OR13A1: variants seen among roughly 807,000 people sequenced by gnomAD.
The protein encoded by OR13A1 is olfactory receptor family 13 subfamily A member 1.
In OR13A1, 10 loss-of-function variants were observed where a neutral mutation model predicts 7.5. The observed-to-expected ratio is 1.34, with a 90% CI of 0.83 to 2.27. The LOEUF (loss-of-function observed/expected upper bound fraction) is 2.27, where lower values mean the gene tolerates loss of function less well. Among genes scored for constraint, OR13A1 ranks in the 30% most tolerant of loss-of-function variants. The probability of loss-of-function intolerance (pLI) is 0.00; values close to 1 mark genes in which losing one functional copy is unlikely to be tolerated. For missense variants in OR13A1, 509 were observed against 419.1 expected (o/e 1.21, Z -1.87); for synonymous variants, 238 against 177.9 (o/e 1.34, Z -2.69).
chr10:45,309,756 G>C (rs1310809815), intron 1 of OR13A1, among the ~76,000 whole-genome samples: 1 of 152,144 alleles, frequency 6.6e-6, no homozygotes, highest in Admixed American at 6.5e-5. Flanking sequence ...AGCAAGCAGA[G>C]AGCTGACTAA....
At chr10:45,304,620 C>T (rs546019297) in intron 3 of OR13A1, 186 bp from the exon 4 acceptor site, 18 of 570,870 alleles carry the variant, frequency 3.2e-5, no homozygotes, top group Non-Finnish European at 5.2e-5. Flanking sequence ...GCCAGTTAAA[C>T]TCATGAAGCA....
chr10:45,303,467 A>T lies in OR13A1; in HGVS notation c.956T>A (p.Leu319His), dbSNP rs1838248263. The change falls in exon 4 of 4, where the codon CTC becomes CAC. Residue 319 changes from leucine (L) to histidine (H), a missense_variant. Leu to His is a moderately conservative substitution (Grantham distance 99, BLOSUM62 -3). Transcript: ENST00000553795. ...TCTGAAGAAAGGGAAAAGCTTCCTG[A>T]GGGCTGCTTTGACCTCCTTGTTTCT... ...TLRNKEVKAA[L>H]RKLFPFFRN The T allele has an allele frequency of 6.2e-7, 1 of 1,600,094 alleles. No homozygotes were observed. Among genetic ancestry groups the T allele is most frequent in the Non-Finnish European group, 8.5e-7 (1 of 1,172,132 alleles).
intron 1 of OR13A1, among the ~76,000 whole-genome samples, chr10:45,308,199 A>G (rs934928158): frequency 3.9e-5 from 6 of 152,378 alleles, no homozygotes; most frequent in African/African-American, 1.2e-4. Flanking sequence ...CCAGAATCGC[A>G]TATGTTCAGG....
rs888075532 is a variant in OR13A1, at chr10:45,313,503, G to A, written c.-225+2021C>T. Among the ~76,000 whole-genome samples, 6 of 152,114 alleles carry A rather than the reference G, an allele frequency of 3.9e-5. No individual in the cohort carries two copies. In the East Asian group the frequency reaches 1.2e-3, roughly 29 times the overall value. ...AAGATATAGACTGGAAAATGGATTT[G>A]TAAAAAGGATCCAACTTTATCCTGT... On this transcript the variant is annotated intron_variant, in intron 1 of 3. Coordinates refer to ENST00000553795, the MANE Select transcript of OR13A1 (RefSeq NM_001004297.3).
At chr10:45,314,802 T>A (rs2133050002) in intron 1 of OR13A1, among the ~76,000 whole-genome samples, 1 of 152,240 alleles carries the variant, frequency 6.6e-6, no homozygotes, top group South Asian at 2.1e-4. Flanking sequence ...GTCAACAAAT[T>A]GGATAATTTA....
rs367646648 is a variant in OR13A1, at chr10:45,303,985, G to A, written c.438C>T (p.His146=). ...TCATCATGCTGCTGTAATGCAGCGG[G>A]TGGCAGATGGCTGCGTACCGGTCAT... ...MAYDRYAAIC[H]PLHYSSMMSK... The change falls in exon 4 of 4, where the codon CAC becomes CAT. Residue 146 remains histidine, a synonymous_variant. Transcript: ENST00000553795. 1 of 1,612,692 alleles carries A rather than the reference G, an allele frequency of 6.2e-7. No homozygotes were observed. Among genetic ancestry groups the A allele is most frequent in the African/African-American group, 1.3e-5 (1 of 74,918 alleles).
At chr10:45,310,650 C>T (rs1838427365) in intron 1 of OR13A1, among the ~76,000 whole-genome samples, 1 of 151,590 alleles carries the variant, frequency 6.6e-6, no homozygotes, top group Non-Finnish European at 1.5e-5. Flanking sequence ...CTAATAATTG[C>T]CACAAATATG....
In OR13A1 at chr10:45,304,329, G is replaced by A. The variant is rs568763774; in HGVS notation, c.94C>T (p.Leu32=). The A allele has an allele frequency of 7.4e-6, 12 of 1,614,168 alleles. No individual in the cohort carries two copies. The highest frequency in any genetic ancestry group is 5.5e-5 in the South Asian group (5 of 91,082). ...SNQTLVTEFI[L]QGFSEHPEYR... is the part of the protein sequence containing the mutation. ...TCTGGGTGCTCCGAAAAGCCCTGCA[G>A]GATGAACTCGGTTACCAACGTCTGG... The change falls in exon 4 of 4, where the codon CTG becomes TTG. Residue 32 remains leucine (L), a synonymous_variant. Coordinates refer to ENST00000553795, the MANE Select transcript of OR13A1 (RefSeq NM_001004297.3).
intron 3 of OR13A1, among the ~76,000 whole-genome samples, chr10:45,304,865 T>G (rs758963393): frequency 6.6e-6 from 1 of 152,236 alleles, no homozygotes; most frequent in Non-Finnish European, 1.5e-5. Flanking sequence ...ATAGTGGAAA[T>G]TTAAAACAAT....
Position 45,303,940 on chromosome 10 carries a change from C to T in OR13A1, c.483G>A (p.Gly161=). 6.2e-7 allele frequency: 1 copy of T among 1,613,544 alleles called. No homozygotes were observed. ...SSMMSKVFCS[G]LATAVWLLCA... ...AGAGCAGCCACACGGCTGTGGCCAG[C>T]CCGCTGCAGAACACCTTGCTCATCA... The change falls in exon 4 of 4, where the codon GGG becomes GGA. Residue 161 remains glycine, a synonymous_variant. Coordinates refer to ENST00000553795, the MANE Select transcript of OR13A1 (RefSeq NM_001004297.3).
Position 45,304,300 on chromosome 10 carries a change from G to T in OR13A1, c.123C>A (p.Tyr41Ter). Residue 41 changes from tyrosine (Y) to a stop codon, truncating the protein, a stop_gained, in exon 4 of 4, where the codon TAC becomes TAA. Transcript: ENST00000553795. LOFTEE classifies it high-confidence loss of function. Reference sequence around the variant, plus strand: ...GGAAACAGCTGAATAAGAACACCCGGTATTCTGGGTGCTCCGAAAAGCCCT... The same window carrying T: ...GGAAACAGCTGAATAAGAACACCCGTTATTCTGGGTGCTCCGAAAAGCCCT... ...ILQGFSEHPEYRVFLFSCFLF... is the reference protein window; with the variant it reads ...ILQGFSEHPE 1 of 1,614,140 alleles carries T rather than the reference G, an allele frequency of 6.2e-7. No homozygotes were observed. Among genetic ancestry groups the T allele is most frequent in the Non-Finnish European group, 8.5e-7 (1 of 1,180,018 alleles).
Position 45,302,674 on chromosome 10 carries a change from C to T in OR13A1, c.*762G>A, listed in dbSNP as rs760483882. On this transcript the variant is annotated 3_prime_UTR_variant, in exon 4 of 4. Coordinates refer to ENST00000553795, the MANE Select transcript of OR13A1 (RefSeq NM_001004297.3). ...GTTTTGTAATAGCATGGAGCACAAG[C>T]ACAAGACCTGTCTTTATTAGACACA... 1 of 152,086 alleles carries T rather than the reference C, an allele frequency of 6.6e-6. No homozygotes were observed. The highest frequency in any genetic ancestry group is 1.5e-5 in the Non-Finnish European group (1 of 68,012). 9.4% of individuals were successfully genotyped at this position (152,086 alleles called of 1,614,324 possible).
rs771041669 is a variant in OR13A1, at chr10:45,304,390, G to A, written c.33C>T (p.Val11=). MKLWMESHLI[V]PETRPSPRMM... ...TCCTTGGGCTGGGACGGGTTTCTGG[G>A]ACTATCAGGTGACTCTCCATCCACA... The change falls in exon 4 of 4, where the codon GTC becomes GTT. Residue 11 remains valine, a synonymous_variant. Coordinates refer to ENST00000553795, the MANE Select transcript of OR13A1 (RefSeq NM_001004297.3). 23 of 1,613,594 alleles carry A rather than the reference G, an allele frequency of 1.4e-5. No homozygotes were observed. The African/African-American group carries it at 2.3e-4, about 16-fold the overall frequency.
rs752245429 is a variant in OR13A1 at position 45,303,407 on chromosome 10, C to T, written c.*29G>A. On this transcript the variant is annotated 3_prime_UTR_variant, in exon 4 of 4. Coordinates refer to ENST00000553795, the MANE Select transcript of OR13A1 (RefSeq NM_001004297.3). ...TCAGACTCCACTAAAACTGCAGTCT[C>T]CAAGGACAAAAACTTCAGAAGACAC... 1.0e-5 allele frequency: 16 copies of T among 1,560,154 alleles called. No individual in the cohort carries two copies. The East Asian group carries it at 1.1e-4, about 11-fold the overall frequency.
At chr10:45,304,459 C>T in intron 3 of OR13A1, 25 bp from the exon 4 acceptor site, 1 of 1,571,472 alleles carries the variant, frequency 6.4e-7, no homozygotes, top group Non-Finnish European at 8.6e-7. Flanking sequence ...AAGAGGTGTC[C>T]TGAGGAAGGC....
At chr10:45,305,318 A>G (rs1290121649) in intron 3 of OR13A1, among the ~76,000 whole-genome samples, 2 of 152,184 alleles carry the variant, frequency 1.3e-5, no homozygotes, top group Non-Finnish European at 2.9e-5. Context: ...TTTTAAAAAA[A>G]AAATTAAAAA....
At chr10:45,304,592 A>G (rs1241175859) in intron 3 of OR13A1, 158 bp from the exon 4 acceptor site, 1 of 619,138 alleles carries the variant, frequency 1.6e-6, no homozygotes, top group Non-Finnish European at 2.8e-6. Context: ...CTCAGTTTAT[A>G]AAAAATAAAT....
intron 3 of OR13A1, 138 bp from the exon 4 acceptor site, chr10:45,304,572 G>GT (rs1443832377): frequency 1.5e-6 from 1 of 686,050 alleles, no homozygotes; most frequent in African/African-American, 1.8e-5. Flanking sequence ...GTAGAAAAAA[G>GT]GCGTGAACAC....
intron 1 of OR13A1, among the ~76,000 whole-genome samples, chr10:45,313,085 A>C (rs1399772169): frequency 6.6e-6 from 1 of 152,138 alleles, no homozygotes; most frequent in Non-Finnish European, 1.5e-5. Context: ...CTTAAAAATA[A>C]CTATAAAACT....
Sources: gnomAD v4.1 joint callset for allele counts (sites outside exome capture counted in the v4.1 genomes callset) on GRCh38, gnomAD v4.1.1 for gene constraint, MANE v1.5 for transcripts, NCBI Gene and HGNC (gene_info 2026-07-23, HGNC 2026-07-21) for gene names.